GSE1: variants seen among roughly 807,000 people sequenced by gnomAD.
GSE1 encodes genetic suppressor element 1.
In GSE1, 32 loss-of-function variants were observed where a neutral mutation model predicts 112.6. That is an observed-to-expected ratio of 0.28 (90% CI 0.21 to 0.38). GSE1 has a LOEUF of 0.38. Among genes scored for constraint, GSE1 ranks in the 10% least tolerant of loss-of-function variants. The pLI is 1.00. For synonymous variants in GSE1, 1,115 were observed against 735.6 expected, an observed-to-expected ratio of 1.52 and a Z score of -8.35; for missense variants, 2,348 against 1,699.2, an observed-to-expected ratio of 1.38 and a Z score of -6.71.
In GSE1 at chr16:85,302,464, A is replaced by C. The variant is rs112422407; in HGVS notation, c.2284-54999A>C. Among the ~76,000 whole-genome samples the C allele has an allele frequency of 3.0e-3, 424 of 139,406 alleles. 2 individuals are homozygous for C. The highest frequency in any genetic ancestry group is 8.0e-3 in the African/African-American group (288 of 35,812). 91.5% of individuals were successfully genotyped at this position (139,406 alleles called of 152,430 possible). A position where few individuals can be genotyped will look rare whatever the true frequency, so the allele number is the denominator to read the frequency against. The stretch of plus-strand genomic sequence containing the variant: ...CAGCACACCGCCCCCCCCCGCCCCC[A>C]CACACACACCGATAGTACTGCTATC... On this transcript the variant is annotated intron_variant, in intron 1 of 2. Coordinates refer to the GSE1 transcript ENST00000637419.
chr16:85,297,135 C>A (rs538390875), intron 1 of GSE1, among the ~76,000 whole-genome samples: 1 of 152,254 alleles, frequency 6.6e-6, no homozygotes, highest in African/African-American at 2.4e-5. Flanking sequence ...GCCCTCTACC[C>A]GGCCAGGCTG....
intron 2 of GSE1, among the ~76,000 whole-genome samples, chr16:85,480,512 G>T (rs1376409865): frequency 6.6e-6 from 1 of 152,198 alleles, no homozygotes; most frequent in African/African-American, 2.4e-5. Flanking sequence ...GACTGCAGCT[G>T]CTGAAGGGAC....
At chr16:85,448,756 G>A (rs754813603) in intron 2 of GSE1, among the ~76,000 whole-genome samples, 8 of 152,214 alleles carry the variant, frequency 5.3e-5, no homozygotes, top group Admixed American at 6.5e-5. Context: ...CCTGCAACCC[G>A]GGGCAGGAAA....
chr16:85,236,778 A>G (rs367936805), intron 1 of GSE1, among the ~76,000 whole-genome samples: 7 of 151,822 alleles, frequency 4.6e-5, no homozygotes, highest in East Asian at 3.9e-4. Context: ...TGAGGGAACA[A>G]CTCCTGCTGC....
intron 1 of GSE1, among the ~76,000 whole-genome samples, chr16:85,579,062 A>C (rs1261299265): frequency 2.0e-5 from 3 of 152,084 alleles, no homozygotes; most frequent in Non-Finnish European, 2.9e-5. Flanking sequence ...GCATCTTGGG[A>C]TTTAAGGTTC....
At chr16:85,509,181 T>C (rs948282950) in intron 2 of GSE1, among the ~76,000 whole-genome samples, 7 of 152,190 alleles carry the variant, frequency 4.6e-5, no homozygotes, top group African/African-American at 1.4e-4. Flanking sequence ...CCTGCCCACC[T>C]GATGGGCGTG....
chr16:85,555,982 A>C, exon 1 of GSE1: 1 of 984,446 alleles, frequency 1.0e-6, no homozygotes, highest in African/African-American at 1.8e-5. Context: ...CTCAAGTCCA[A>C]AAGGCAGAAA....
intron 2 of GSE1, among the ~76,000 whole-genome samples, chr16:85,541,050 G>A (rs1229383773): frequency 6.6e-6 from 1 of 152,138 alleles, no homozygotes; most frequent in Non-Finnish European, 1.5e-5. Context: ...TGAGAGGAGG[G>A]TCTGGGGGCT....
chr16:85,619,486 T>C (rs1257819491), intron 1 of GSE1, among the ~76,000 whole-genome samples: 1 of 152,124 alleles, frequency 6.6e-6, no homozygotes, highest in African/African-American at 2.4e-5. Flanking sequence ...ATCTTCTGGG[T>C]TGGGGGGCAA....
At chr16:85,635,152 C>T (rs1271093689) in intron 2 of GSE1, among the ~76,000 whole-genome samples, 1 of 152,206 alleles carries the variant, frequency 6.6e-6, no homozygotes, top group Non-Finnish European at 1.5e-5. Context: ...GGGGACTTCT[C>T]ATTTCTGAAT....
rs529378613 is a variant in GSE1, at chr16:85,194,260, A to G, written c.2283+22453A>G. On this transcript the variant is annotated intron_variant, in intron 1 of 2. Coordinates refer to the GSE1 transcript ENST00000637419. ...TGAGACCCCTGGCCCTGGATAGACT[A>G]GAACCCAAAAATCCTAGTCCTGGGA... Among the ~76,000 whole-genome samples the G allele has an allele frequency of 5.3e-5, 8 of 152,284 alleles. No homozygotes were observed. In the East Asian group the frequency reaches 1.2e-3, roughly 22 times the overall value.
chr16:85,663,170 C>G (rs190908112), intron 10 of GSE1, 77 bp downstream of exon 10: 2 of 1,247,354 alleles, frequency 1.6e-6, no homozygotes, highest in Admixed American at 1.7e-5. Context: ...CAGTCCACCC[C>G]ACTGTTGCTA....
rs1016382282 is a variant in GSE1, at chr16:85,675,511, A to C, written c.*2972A>C. 6.6e-6 allele frequency: 1 copy of C among 152,258 alleles called. No individual in the cohort carries two copies. Among genetic ancestry groups the C allele is most frequent in the Non-Finnish European group, 1.5e-5 (1 of 68,036 alleles). The allele number at this position is 152,258 out of a possible 1,614,324, so 9.4% of individuals were successfully genotyped here. A position where few individuals can be genotyped will look rare whatever the true frequency, so the allele number is the denominator to read the frequency against. On this transcript the variant is annotated 3_prime_UTR_variant, in exon 16 of 16. Transcript: ENST00000253458. ...AGGAATAAAGCACTGAATTGGGACT[A>C]ACATTCTGATAGGTTGCACCCTTAA... is the stretch of plus-strand genomic sequence containing the variant.
At position 85,278,210 on chromosome 16, in the gene GSE1, G is replaced by T. The variant is rs575819770; in HGVS notation, c.2284-79253G>T. On this transcript the variant is annotated intron_variant, in intron 1 of 2. Transcript: ENST00000637419. ...GGACTCACCCTCCTGCAGCGTCAGG[G>T]GGCGGGGGTGCTGTCCTCTGACCCA... is the stretch of plus-strand genomic sequence containing the variant. Among the ~76,000 whole-genome samples the T allele has an allele frequency of 4.6e-5, 7 of 152,330 alleles. No individual in the cohort carries two copies. The East Asian group carries it at 1.2e-3, about 25-fold the overall frequency.
chr16:85,635,373 T>G (rs1399514131), intron 2 of GSE1, among the ~76,000 whole-genome samples: 3 of 152,164 alleles, frequency 2.0e-5, no homozygotes, highest in Non-Finnish European at 2.9e-5. Context: ...CTCCACGCCC[T>G]TGGCAGGGGA....
intron 2 of GSE1, among the ~76,000 whole-genome samples, chr16:85,479,225 G>A (rs1459288164): frequency 7.7e-6 from 1 of 130,086 alleles, no homozygotes; most frequent in Admixed American, 8.5e-5. Context: ...GTAGAGACGG[G>A]GTTTCACCGT....
In GSE1 at chr16:85,336,795, T is replaced by C. The variant is rs1387642290; in HGVS notation, c.2284-20668T>C. Reference sequence around the variant, plus strand: ...CCCTCACAATTCTTATGTGCACATATGCATGCTCACACACAAGGCACTCAT... The same window carrying C: ...CCCTCACAATTCTTATGTGCACATACGCATGCTCACACACAAGGCACTCAT... On this transcript the variant is annotated intron_variant, in intron 1 of 2. Coordinates refer to the GSE1 transcript ENST00000637419. 3.9e-5 allele frequency among the ~76,000 whole-genome samples: 6 copies of C among 152,150 alleles called. No homozygotes were observed. In the South Asian group the frequency reaches 1.2e-3, roughly 32 times the overall value.
chr16:85,367,685 G>A (rs529849240), intron 2 of GSE1, among the ~76,000 whole-genome samples: 10 of 152,330 alleles, frequency 6.6e-5, no homozygotes, highest in Admixed American at 2.6e-4. Flanking sequence ...CCATGAAGGC[G>A]GGGACCGTGG....
At chr16:85,239,523 A>T (rs534605689) in intron 1 of GSE1, among the ~76,000 whole-genome samples, 2 of 152,204 alleles carry the variant, frequency 1.3e-5, no homozygotes, top group Admixed American at 1.3e-4. Flanking sequence ...CTCCACCTGC[A>T]AGCCTTTCCT....
Sources: gnomAD v4.1 joint callset for allele counts (sites outside exome capture counted in the v4.1 genomes callset) on GRCh38, gnomAD v4.1.1 for gene constraint, MANE v1.5 for transcripts, NCBI Gene and HGNC (gene_info 2026-07-23, HGNC 2026-07-21) for gene names.